Variants in CLHC1 observed in about 807,000 individuals in gnomAD.
The protein encoded by CLHC1 is clathrin heavy chain linker domain containing 1, also known as clathrin heavy chain linker domain-containing protein 1.
In CLHC1, 72 loss-of-function variants were observed where a neutral mutation model predicts 69.5. The observed-to-expected ratio is 1.04, with a 90% CI of 0.86 to 1.26. The LOEUF is 1.26. CLHC1 is among the 50% of genes most tolerant of loss of function. The pLI is 0.00. For missense variants in CLHC1, 790 were observed against 679.3 expected, an observed-to-expected ratio of 1.16 and a Z score of -1.81; for synonymous variants, 223 against 224.3, an observed-to-expected ratio of 0.99 and a Z score of 0.05.
chr2:55,228,450 C>T (rs1037254597), intron 1 of CLHC1, among the ~76,000 whole-genome samples: 9 of 152,198 alleles, frequency 5.9e-5, no homozygotes, highest in Admixed American at 5.2e-4. Flanking sequence ...CATTGAGTTA[C>T]ATAAACCAAC....
chr2:55,176,026 T>A lies in CLHC1; in HGVS notation c.1565-40A>T, dbSNP rs769901728. 3 of 1,490,182 alleles carry A rather than the reference T, an allele frequency of 2.0e-6. No homozygotes were observed. The African/African-American group carries it at 4.2e-5, about 21-fold the overall frequency. 92.3% of individuals were successfully genotyped at this position (1,490,182 alleles called of 1,614,324 possible). ...TACAATATTATAGTATGGCACTTAT[T>A]TGATAATCTATACTTTAGTGATTCT... On this transcript the variant is annotated intron_variant, in intron 12 of 12. Transcript: ENST00000401408.
intron 10 of CLHC1, among the ~76,000 whole-genome samples, chr2:55,181,256 C>A (rs1390905696): frequency 6.6e-6 from 1 of 152,086 alleles, no homozygotes. Context: ...GCTGGGATTA[C>A]AGGTGTGAGC....
At chr2:55,199,345 A>G (rs188316277) in intron 9 of CLHC1, among the ~76,000 whole-genome samples, 1 of 151,544 alleles carries the variant, frequency 6.6e-6, no homozygotes, top group East Asian at 1.9e-4. Flanking sequence ...GAGTACTTCA[A>G]TCAGAAAGAA....
chr2:55,190,056 T>C (rs1312256043), intron 9 of CLHC1, among the ~76,000 whole-genome samples: 1 of 152,118 alleles, frequency 6.6e-6, no homozygotes, highest in Non-Finnish European at 1.5e-5. Context: ...AAATTCTTTT[T>C]TTTTTTGAGA....
At chr2:55,221,180 C>G (rs867844123) in intron 3 of CLHC1, among the ~76,000 whole-genome samples, 112 of 152,218 alleles carry the variant, frequency 7.4e-4, no homozygotes, top group African/African-American at 2.5e-3. Context: ...CAGAGACCAA[C>G]AGTTTACTGA....
upstream of CLHC1, chr2:55,232,555 A>G: frequency 1.8e-6 from 1 of 556,928 alleles, no homozygotes; most frequent in South Asian, 2.0e-5. Context: ...AGGAGAAACG[A>G]AGTTCACGTC....
intron 9 of CLHC1, among the ~76,000 whole-genome samples, chr2:55,202,621 G>C (rs1175895504): frequency 1.3e-5 from 2 of 150,656 alleles, no homozygotes; most frequent in African/African-American, 4.9e-5. Flanking sequence ...TAGAGGCCAA[G>C]CATGGTGGCT....
At chr2:55,215,543 C>T (rs987633178) in intron 4 of CLHC1, among the ~76,000 whole-genome samples, 5 of 152,178 alleles carry the variant, frequency 3.3e-5, no homozygotes, top group African/African-American at 4.8e-5. Flanking sequence ...AAACTGCATA[C>T]CCATCAATGA....
rs1672784110 is a variant in CLHC1 at position 55,209,613 on chromosome 2, A to G, written c.701+17T>C. The G allele has an allele frequency of 6.2e-7, 1 of 1,609,674 alleles. No individual in the cohort carries two copies. Among genetic ancestry groups the G allele is most frequent in the Non-Finnish European group, 8.5e-7 (1 of 1,176,380 alleles). On this transcript the variant is annotated intron_variant, in intron 6 of 12. Coordinates refer to ENST00000401408, the MANE Select transcript of CLHC1 (RefSeq NM_152385.4). ...ATAAAACTCCAAACTTTAAAAACAT[A>G]TAATCAACTTCCATACCAAAACTGC...
chr2:55,186,163 T>TG (rs1486206816), intron 9 of CLHC1, among the ~76,000 whole-genome samples: 4 of 152,164 alleles, frequency 2.6e-5, no homozygotes, highest in Non-Finnish European at 4.4e-5. Context: ...CAGTTATGTA[T>TG]GTGATTCAGG....
chr2:55,197,635 G>T (rs1397403334), intron 9 of CLHC1, among the ~76,000 whole-genome samples: 1 of 152,162 alleles, frequency 6.6e-6, no homozygotes, highest in African/African-American at 2.4e-5. Flanking sequence ...CGCAAAGGTG[G>T]TACCTCTAAT....
chr2:55,226,373 G>GGT (rs1194139190), intron 2 of CLHC1, among the ~76,000 whole-genome samples: 4 of 151,764 alleles, frequency 2.6e-5, no homozygotes, highest in Non-Finnish European at 5.9e-5. Flanking sequence ...GCATACTCCT[G>GGT]GTATAAAATT....
rs140658360 is a variant in CLHC1 at position 55,185,701 on chromosome 2, T to C, written c.1007-3957A>G. Reference sequence around the variant, plus strand: ...CCACACTTGTCTGCCTCTTTATCTCTCTTCCCAATTAGTCCTTTATCTCAT... The same window carrying C: ...CCACACTTGTCTGCCTCTTTATCTCCCTTCCCAATTAGTCCTTTATCTCAT... On this transcript the variant is annotated intron_variant, in intron 9 of 12. Coordinates refer to ENST00000401408, the MANE Select transcript of CLHC1 (RefSeq NM_152385.4). 3.7e-3 allele frequency among the ~76,000 whole-genome samples: 569 copies of C among 152,356 alleles called. 3 individuals are homozygous for C. The highest frequency in any genetic ancestry group is 0.031 in the Middle Eastern group (9 of 294).
chr2:55,181,834 T>A, intron 9 of CLHC1, 90 bp from the exon 10 acceptor site: 1 of 935,008 alleles, frequency 1.1e-6, no homozygotes, highest in East Asian at 2.6e-5. Context: ...TGCCTTTGCT[T>A]TTCTAAAACT....
At chr2:55,219,333 C>T (rs972242528) in intron 3 of CLHC1, among the ~76,000 whole-genome samples, 2 of 152,118 alleles carry the variant, frequency 1.3e-5, no homozygotes, top group Admixed American at 1.3e-4. Context: ...TAAGAATGCA[C>T]AGAAAATACA....
chr2:55,217,076 C>T (rs532088309), intron 4 of CLHC1, among the ~76,000 whole-genome samples: 1 of 152,006 alleles, frequency 6.6e-6, no homozygotes, highest in Non-Finnish European at 1.5e-5. Context: ...GTGCCTGTAG[C>T]CCCAGCTACT....
chr2:55,186,506 C>A (rs756224370), intron 9 of CLHC1, among the ~76,000 whole-genome samples: 3 of 152,158 alleles, frequency 2.0e-5, no homozygotes, highest in Non-Finnish European at 2.9e-5. Flanking sequence ...ATAATTCCAA[C>A]ACTTCAGGAG....
chr2:55,181,644 T>C lies in CLHC1; in HGVS notation c.1107A>G (p.Leu369=). The change falls in exon 10 of 13, where the codon CTA becomes CTG. Residue 369 remains leucine, a synonymous_variant. Coordinates refer to ENST00000401408, the MANE Select transcript of CLHC1 (RefSeq NM_152385.4). ...HAFPCPVDAA[L]TLEGIKCGLS... ...ATCCACATTTGATTCCTTCCAGGGT[T>C]AGAGCTGCATCAACAGGACATGGAA... is the stretch of plus-strand genomic sequence containing the variant. 6.2e-7 allele frequency: 1 copy of C among 1,613,908 alleles called. No individual in the cohort carries two copies. The highest frequency in any genetic ancestry group is 8.5e-7 in the Non-Finnish European group (1 of 1,179,866).
rs922343265 is a variant in CLHC1, at chr2:55,172,643, A to AT, written c.*3146dup. Among the ~76,000 whole-genome samples the AT allele has an allele frequency of 2.0e-5, 3 of 151,434 alleles. No homozygotes were observed. Among genetic ancestry groups the AT allele is most frequent in the South Asian group, 4.2e-4 (2 of 4,808 alleles). ...ATACACCGAACATTTGTTAAATGCC[A>AT]TTTTTTTCTGAGAAAGAATGGAAGA... On this transcript the variant is annotated 3_prime_UTR_variant, in exon 13 of 13. Coordinates refer to ENST00000401408, the MANE Select transcript of CLHC1 (RefSeq NM_152385.4).
Sources: allele counts gnomAD v4.1 joint callset (sites outside exome capture counted in the v4.1 genomes callset), GRCh38; gene constraint gnomAD v4.1.1; transcripts MANE v1.5; gene names NCBI Gene and HGNC (gene_info 2026-07-23, HGNC 2026-07-21).